The following ANO3 variants were observed in gnomAD, a reference collection of about 807,000 sequenced individuals.
ANO3 encodes anoctamin 3.
Under a neutral mutation model 144.8 loss-of-function variants are expected in ANO3, and 99 were observed. The observed-to-expected ratio is 0.68, with a 90% confidence interval of 0.58 to 0.81. The LOEUF (loss-of-function observed/expected upper bound fraction) is 0.81. Ranked by LOEUF, ANO3 falls within the 30% of genes least tolerant of loss-of-function variation. The pLI, the probability that ANO3 is intolerant of heterozygous loss-of-function variation, is 0.00. For synonymous variants in ANO3, 414 were observed against 392.6 expected (o/e 1.05, Z -0.64); for missense variants, 905 against 1,202.2 (o/e 0.75, Z 3.66).
At chr11:26,592,084 T>C (rs985190216) in intron 14 of ANO3, among the ~76,000 whole-genome samples, 1 of 152,142 alleles carries the variant, frequency 6.6e-6, no homozygotes, top group African/African-American at 2.4e-5. Context: ...GACATTTAGC[T>C]AAGGAGGTGA....
At chr11:26,537,971 T>C (rs364813) in intron 10 of ANO3, among the ~76,000 whole-genome samples, 108,172 of 152,100 alleles carry the variant, frequency 0.71, 38,775 homozygotes, top group East Asian at 0.84. Context: ...TTTTATTCCC[T>C]GACCTCTTTC....
At chr11:26,456,969 G>T (rs988230939) in intron 3 of ANO3, among the ~76,000 whole-genome samples, 25 of 150,440 alleles carry the variant, frequency 1.7e-4, no homozygotes, top group African/African-American at 5.9e-4. Context: ...GTAAACTATC[G>T]CAACAACAAA....
chr11:26,512,444 C>T, intron 5 of ANO3, among the ~76,000 whole-genome samples: 1 of 152,132 alleles, frequency 6.6e-6, no homozygotes, highest in Non-Finnish European at 1.5e-5. Flanking sequence ...TAATCTTTCT[C>T]CCTGACAGCA....
chr11:26,587,790 C>T (rs919077016), intron 14 of ANO3, among the ~76,000 whole-genome samples: 1 of 151,862 alleles, frequency 6.6e-6, no homozygotes, highest in Non-Finnish European at 1.5e-5. Flanking sequence ...AACCCTGTCT[C>T]AACTAAAATT....
chr11:26,533,736 G>A (rs1358420004), intron 8 of ANO3, among the ~76,000 whole-genome samples: 4 of 152,118 alleles, frequency 2.6e-5, no homozygotes, highest in South Asian at 2.1e-4. Context: ...AAGTTACACC[G>A]TTTGCCATCT....
At position 26,662,261 on chromosome 11, in the gene ANO3, G is replaced by A. The variant is rs1185900192; in HGVS notation, c.*1817G>A. The A allele has an allele frequency of 2.0e-5, 3 of 151,854 alleles. No individual in the cohort carries two copies. Among genetic ancestry groups the A allele is most frequent in the Non-Finnish European group, 4.4e-5 (3 of 67,978 alleles). 9.4% of individuals were successfully genotyped at this position (151,854 alleles called of 1,614,324 possible). A position where few individuals can be genotyped will look rare whatever the true frequency, so the allele number is the denominator to read the frequency against. ...GCCTCAGACTCTGAACTTCCCTCAA[G>A]TGCCGTTGTTATGTGAAACTCTTCC... is the stretch of plus-strand genomic sequence containing the variant. On this transcript the variant is annotated 3_prime_UTR_variant, in exon 27 of 27. Transcript: ENST00000256737.
At chr11:26,559,866 A>G in intron 14 of ANO3, 87 bp downstream of exon 14, 2 of 882,076 alleles carry the variant, frequency 2.3e-6, no homozygotes, top group Non-Finnish European at 3.7e-6. Context: ...ACACACACAC[A>G]CACACACACC....
At chr11:26,628,034 G>C (rs1852650107) in intron 18 of ANO3, among the ~76,000 whole-genome samples, 1 of 152,066 alleles carries the variant, frequency 6.6e-6, no homozygotes, top group African/African-American at 2.4e-5. Context: ...AAGCAAAAGA[G>C]ATAAAGCTTA....
intron 1 of ANO3, among the ~76,000 whole-genome samples, chr11:26,314,086 T>A (rs1293819839): frequency 1.3e-5 from 2 of 152,064 alleles, no homozygotes; most frequent in Non-Finnish European, 2.9e-5. Context: ...TTAATTTCAA[T>A]GTGGCAAATT....
chr11:26,208,308 G>C (rs925457481), intron 1 of ANO3: 1 of 152,022 alleles, frequency 6.6e-6, no homozygotes, highest in Admixed American at 6.6e-5. Flanking sequence ...TCAGGAGATC[G>C]AGACCATCCT....
chr11:26,531,108 A>G, intron 7 of ANO3, 97 bp from the exon 8 acceptor site: 1 of 1,379,998 alleles, frequency 7.2e-7, no homozygotes, highest in Non-Finnish European at 1.0e-6. Flanking sequence ...ATCTCTTTTC[A>G]AAGAAGTTTC....
chr11:26,293,715 T>C (rs1231787432), intron 1 of ANO3, among the ~76,000 whole-genome samples: 2 of 151,754 alleles, frequency 1.3e-5, no homozygotes, highest in Admixed American at 6.6e-5. Context: ...ATCCATCATT[T>C]TACAGATGAA....
At position 26,591,329 on chromosome 11, in the gene ANO3, G is replaced by T. The variant is rs536592409; in HGVS notation, c.1448-7036G>T. Among the ~76,000 whole-genome samples, 199 of 152,236 alleles carry T rather than the reference G, an allele frequency of 1.3e-3. 1 individual carries two copies. The highest frequency in any genetic ancestry group is 4.4e-3 in the African/African-American group (182 of 41,528). ...GTGCAGTTGAGATTTCCTCAGGAGG[G>T]GTGCCTTTGATGTCATTAACATCAG... is the stretch of plus-strand genomic sequence containing the variant. On this transcript the variant is annotated intron_variant, in intron 14 of 26. Transcript: ENST00000256737.
intron 1 of ANO3, among the ~76,000 whole-genome samples, chr11:26,392,560 A>G (rs751932456): frequency 9.9e-4 from 151 of 152,060 alleles, no homozygotes; most frequent in Non-Finnish European, 2.0e-3. Flanking sequence ...AGGGTGAATT[A>G]TAGTTGGAAA....
chr11:26,304,626 G>A (rs1462031464), upstream of ANO3, among the ~76,000 whole-genome samples: 1 of 151,838 alleles, frequency 6.6e-6, no homozygotes, highest in African/African-American at 2.4e-5. Flanking sequence ...TTTCACTTAA[G>A]GATATATAAT....
chr11:26,333,561 T>C (rs1000807849), intron 1 of ANO3, among the ~76,000 whole-genome samples: 8 of 152,084 alleles, frequency 5.3e-5, no homozygotes, highest in Admixed American at 2.6e-4. Context: ...GGATTACAGG[T>C]GTGAGCCACT....
intron 1 of ANO3, among the ~76,000 whole-genome samples, chr11:26,386,120 C>A (rs1346990791): frequency 2.6e-5 from 4 of 151,922 alleles, no homozygotes; most frequent in African/African-American, 9.7e-5. Flanking sequence ...TGGGATAACT[C>A]TTTGTGCTAC....
rs776602063 is a variant in ANO3 at position 26,537,404 on chromosome 11, A to G, written c.977-2A>G. 9.3e-6 allele frequency: 15 copies of G among 1,611,190 alleles called. No homozygotes were observed. Among genetic ancestry groups the G allele is most frequent in the Middle Eastern group, 1.6e-4 (1 of 6,080 alleles). Reference sequence around the variant, plus strand: ...ATAACTGTCCTTTTCTTCTCTTTGCAGGTATCCGTAAACTTATAAACAATG... The same window carrying G: ...ATAACTGTCCTTTTCTTCTCTTTGCGGGTATCCGTAAACTTATAAACAATG... On this transcript the variant is annotated splice_acceptor_variant, in intron 9 of 26. Coordinates refer to ENST00000256737, the MANE Select transcript of ANO3 (RefSeq NM_031418.4). LOFTEE classifies it high-confidence loss of function.
intron 21 of ANO3, 110 bp downstream of exon 21, chr11:26,639,351 C>T (rs1416402700): frequency 2.7e-6 from 2 of 738,166 alleles, no homozygotes; most frequent in Middle Eastern, 2.5e-4. Flanking sequence ...CAAATGATGG[C>T]TCAATTCCTG....
Sources: allele counts gnomAD v4.1 joint callset (sites outside exome capture counted in the v4.1 genomes callset), GRCh38; gene constraint gnomAD v4.1.1; transcripts MANE v1.5; gene names NCBI Gene and HGNC (gene_info 2026-07-23, HGNC 2026-07-21).